Variants in ITGB6 observed in about 807,000 individuals in gnomAD.
The protein encoded by ITGB6 is integrin beta-6.
A neutral mutation model predicts 84.5 loss-of-function variants in ITGB6; 80 were observed. The ratio of observed to expected loss-of-function variants is 0.95; its 90% CI spans 0.79 to 1.14. ITGB6 has a LOEUF of 1.14. Ranked by LOEUF, ITGB6 falls within the 50% of genes most tolerant of loss-of-function variation. ITGB6 has a pLI of 0.00. For missense variants in ITGB6, 1,006 were observed against 968.0 expected (o/e 1.04, Z -0.52); for synonymous variants, 383 against 354.9 (o/e 1.08, Z -0.89).
intron 13 of ITGB6, among the ~76,000 whole-genome samples, chr2:160,108,131 A>G (rs921098311): frequency 2.0e-5 from 3 of 152,072 alleles, no homozygotes; most frequent in Non-Finnish European, 2.9e-5. Context: ...ATTAATGCAC[A>G]TGGAATATTT....
rs548805493 is a variant in ITGB6 at position 160,108,134 on chromosome 2, G to A, written c.2102-289C>T. On this transcript the variant is annotated intron_variant, in intron 13 of 14. Coordinates refer to ENST00000283249, the MANE Select transcript of ITGB6 (RefSeq NM_000888.5). ...AAAAGAGTGATAATTAATGCACATG[G>A]AATATTTAAAGGATTAAGAAAAAGA... Among the ~76,000 whole-genome samples the A allele has an allele frequency of 5.3e-5, 8 of 151,902 alleles. 1 individual carries two copies. Among genetic ancestry groups the A allele is most frequent in the African/African-American group, 1.9e-4 (8 of 41,404 alleles).
Position 160,141,260 on chromosome 2 carries a change from CA to C in ITGB6, c.1107+721del, listed in dbSNP as rs566321237. ...GTGTGTATTTCTTTGTAAGTAAAGG[CA>C]AAAAAAAAGGGGGGGTGATATTTAG... is the stretch of plus-strand genomic sequence containing the variant. On this transcript the variant is annotated intron_variant, in intron 8 of 14. Coordinates refer to ENST00000283249, the MANE Select transcript of ITGB6 (RefSeq NM_000888.5). Among the ~76,000 whole-genome samples, 569 of 143,678 alleles carry C rather than the reference CA, an allele frequency of 4.0e-3. 4 individuals carry two copies. Among genetic ancestry groups the C allele is most frequent in the Middle Eastern group, 0.038 (11 of 290 alleles). The allele number at this position is 143,678 out of a possible 152,430, so 94.3% of individuals were successfully genotyped here. A position where few individuals can be genotyped will look rare whatever the true frequency, so the allele number is the denominator to read the frequency against.
chr2:160,162,757 T>G (rs375479413), intron 7 of ITGB6, among the ~76,000 whole-genome samples: 2 of 152,148 alleles, frequency 1.3e-5, no homozygotes, highest in Non-Finnish European at 2.9e-5. Context: ...TAGCTGGGAT[T>G]ACAGGTGCAT....
chr2:160,179,390 C>CTTTTTTTT (rs71297445), intron 4 of ITGB6, among the ~76,000 whole-genome samples: 2 of 131,174 alleles, frequency 1.5e-5, no homozygotes, highest in Non-Finnish European at 3.3e-5. Context: ...TTTTCTTTTT[C>CTTTTTTTT]TTTTTTTTTT....
rs574267814 is a variant in ITGB6 at position 160,195,045 on chromosome 2, G to A, written c.593+324C>T. Among the ~76,000 whole-genome samples, 17 of 152,332 alleles carry A rather than the reference G, an allele frequency of 1.1e-4. No homozygotes were observed. The South Asian group carries it at 3.3e-3, about 30-fold the overall frequency. ...CACTGAGGCTAGAAAGTGTCTGAGA[G>A]GCTGGGGCTGGGCACCATCCAGTGG... On this transcript the variant is annotated intron_variant, in intron 4 of 14. Transcript: ENST00000283249.
At chr2:160,152,615 A>C (rs1032227070) in intron 7 of ITGB6, among the ~76,000 whole-genome samples, 2 of 152,214 alleles carry the variant, frequency 1.3e-5, no homozygotes, top group Non-Finnish European at 2.9e-5. Context: ...AGGCAGGAGA[A>C]AGAAATAAAG....
At chr2:160,166,947 G>A (rs925806925) in intron 7 of ITGB6, among the ~76,000 whole-genome samples, 3 of 152,148 alleles carry the variant, frequency 2.0e-5, no homozygotes, top group African/African-American at 7.2e-5. Context: ...TCCATGAGTG[G>A]GCAACATAAA....
chr2:160,114,957 T>C (rs1233423361), intron 12 of ITGB6, among the ~76,000 whole-genome samples: 2 of 152,240 alleles, frequency 1.3e-5, no homozygotes, highest in African/African-American at 2.4e-5. Flanking sequence ...GAGGGGCACC[T>C]GCCATTGCCC....
chr2:160,148,133 A>C (rs1456762817), intron 7 of ITGB6, among the ~76,000 whole-genome samples: 1 of 152,254 alleles, frequency 6.6e-6, no homozygotes. Flanking sequence ...TTTCAATTAA[A>C]AAATGATCCA....
At chr2:160,125,737 T>G (rs1683212905) in intron 11 of ITGB6, among the ~76,000 whole-genome samples, 3 of 152,236 alleles carry the variant, frequency 2.0e-5, no homozygotes. Context: ...CTCGCTTCAC[T>G]TGACCTACAA....
At chr2:160,136,804 A>G (rs984837992) in intron 10 of ITGB6, among the ~76,000 whole-genome samples, 2 of 152,074 alleles carry the variant, frequency 1.3e-5, no homozygotes, top group Admixed American at 6.6e-5. Flanking sequence ...CACAAGGACA[A>G]AAAACCAAAC....
chr2:160,190,146 T>C (rs1404283652), intron 4 of ITGB6, among the ~76,000 whole-genome samples: 9 of 143,174 alleles, frequency 6.3e-5, no homozygotes, highest in African/African-American at 2.1e-4. Flanking sequence ...TGGATGGGAA[T>C]TGAACAATGA....
chr2:160,101,888 G>T, intron 14 of ITGB6, 54 bp from the exon 15 acceptor site: 1 of 947,658 alleles, frequency 1.1e-6, no homozygotes, highest in Non-Finnish European at 1.7e-6. Flanking sequence ...TTTTTATACT[G>T]TTTTAATACG....
At chr2:160,104,949 GT>G (rs1235049682) in intron 14 of ITGB6, among the ~76,000 whole-genome samples, 1 of 146,576 alleles carries the variant, frequency 6.8e-6, no homozygotes, top group African/African-American at 2.4e-5. Context: ...AGGCCTGACT[GT>G]CCCTATTGTC....
rs758952593 is a variant in ITGB6 at position 160,137,680 on chromosome 2, C to T, written c.1414G>A (p.Gly472Ser). Residue 472 changes from glycine (G) to serine (S), a missense_variant, in exon 10 of 15, where the codon GGC (glycine) becomes AGC (serine). Physicochemically the swap from Gly to Ser is moderately conservative, Grantham distance 56. Transcript: ENST00000283249. Reference sequence around the variant, plus strand: ...GCACACACCCCACACTGGAAAGAGCCGTTCCCGTGGTGACATTTGGAGCTG... The same window carrying T: ...GCACACACCCCACACTGGAAAGAGCTGTTCCCGTGGTGACATTTGGAGCTG... Reference protein sequence around the residue: ...VNSSKCHHGNGSFQCGVCACH... With the variant: ...VNSSKCHHGNSSFQCGVCACH... 1.2e-5 allele frequency: 19 copies of T among 1,614,078 alleles called. No individual in the cohort carries two copies. Among genetic ancestry groups the T allele is most frequent in the South Asian group, 2.2e-5 (2 of 91,086 alleles).
At chr2:160,109,596 G>T (rs1422895812) in intron 13 of ITGB6, among the ~76,000 whole-genome samples, 4 of 152,164 alleles carry the variant, frequency 2.6e-5, no homozygotes, top group African/African-American at 9.7e-5. Flanking sequence ...AAAGATGTTG[G>T]CCCAAGTGCC....
At chr2:160,190,206 G>A (rs1355884138) in intron 4 of ITGB6, among the ~76,000 whole-genome samples, 1 of 148,538 alleles carries the variant, frequency 6.7e-6, no homozygotes, top group Non-Finnish European at 1.5e-5. Flanking sequence ...GACTGTTGTG[G>A]GTTGGGGGGA....
rs1482116116 is a variant in ITGB6, at chr2:160,191,566, C to G, written c.593+3803G>C. On this transcript the variant is annotated intron_variant, in intron 4 of 14. Coordinates refer to ENST00000283249, the MANE Select transcript of ITGB6 (RefSeq NM_000888.5). ...TGAAAAACCACTAGCTAACAACATACTTAATGGTAAAACACTGATCCTTTC... is the reference window on the plus strand; with the variant it reads ...TGAAAAACCACTAGCTAACAACATAGTTAATGGTAAAACACTGATCCTTTC... Among the ~76,000 whole-genome samples the G allele has an allele frequency of 5.9e-5, 9 of 152,282 alleles. No homozygotes were observed. In the East Asian group the frequency reaches 1.7e-3, roughly 29 times the overall value.
Position 160,113,469 on chromosome 2 carries a change from T to C in ITGB6, c.1982-1270A>G, listed in dbSNP as rs187861099. 1.2e-4 allele frequency among the ~76,000 whole-genome samples: 19 copies of C among 152,350 alleles called. 1 individual carries two copies. The East Asian group carries it at 3.7e-3, about 29-fold the overall frequency. On this transcript the variant is annotated intron_variant, in intron 12 of 14. Coordinates refer to ENST00000283249, the MANE Select transcript of ITGB6 (RefSeq NM_000888.5). ...ACAGGAACCAGCAAGACATTTAGCA[T>C]TGTAAATAAAATTTCGGATGATAGA... is the stretch of plus-strand genomic sequence containing the variant.
Sources: gnomAD v4.1 joint callset for allele counts (sites outside exome capture counted in the v4.1 genomes callset) on GRCh38, gnomAD v4.1.1 for gene constraint, MANE v1.5 for transcripts, NCBI Gene and HGNC (gene_info 2026-07-23, HGNC 2026-07-21) for gene names.